SMIM36: variants seen among roughly 807,000 people sequenced by gnomAD.
SMIM36 encodes small integral membrane protein 36.
At chr17:55,496,944 TTCC>T (rs908826721) in intron 1 of SMIM36, among the ~76,000 whole-genome samples, 1 of 152,190 alleles carries the variant, frequency 6.6e-6, no homozygotes, top group Non-Finnish European at 1.5e-5. Flanking sequence ...AAAATAACGG[TTCC>T]TCCTCTTACA....
At chr17:55,453,469 A>G (rs1479256272) in intron 4 of SMIM36, among the ~76,000 whole-genome samples, 1 of 152,238 alleles carries the variant, frequency 6.6e-6, no homozygotes, top group Non-Finnish European at 1.5e-5. Context: ...GCACTGATCC[A>G]AATAAAATAT....
At chr17:55,516,618 GCA>G in the SMIM36 span, among the ~76,000 whole-genome samples, 1 of 144,770 alleles carries the variant, frequency 6.9e-6, no homozygotes, top group Non-Finnish European at 1.5e-5. Flanking sequence ...GAGTGCAATG[GCA>G]CAGTCTTGGC....
At chr17:55,521,849 C>T in the SMIM36 span, among the ~76,000 whole-genome samples, 4 of 145,084 alleles carry the variant, frequency 2.8e-5, no homozygotes, top group Admixed American at 6.9e-5. Context: ...CCATCTTCAC[C>T]GCTTTGACTT....
intron 1 of SMIM36, among the ~76,000 whole-genome samples, chr17:55,479,859 G>A (rs529549523): frequency 2.0e-5 from 3 of 152,274 alleles, no homozygotes; most frequent in South Asian, 4.1e-4. Context: ...AACCCCTGTC[G>A]CTGCTGTTGC....
chr17:55,460,755 G>A (rs1387912944), intron 4 of SMIM36, among the ~76,000 whole-genome samples: 1 of 152,146 alleles, frequency 6.6e-6, no homozygotes, highest in Admixed American at 6.5e-5. Flanking sequence ...CTACTCGGGA[G>A]GCTGAGGCAG....
At chr17:55,457,367 C>T (rs1478565246) in intron 4 of SMIM36, among the ~76,000 whole-genome samples, 3 of 145,990 alleles carry the variant, frequency 2.1e-5, no homozygotes, top group Non-Finnish European at 4.5e-5. Context: ...AGGATAATTG[C>T]TTGAACCCAG....
intron 1 of SMIM36, among the ~76,000 whole-genome samples, chr17:55,503,759 A>G (rs907383966): frequency 4.7e-5 from 6 of 128,616 alleles, no homozygotes; most frequent in African/African-American, 2.0e-4. Context: ...TAAATGCTCC[A>G]ATTAAAAGAC....
At chr17:55,465,160 GCAATATTA>G (rs1909215255) in intron 4 of SMIM36, among the ~76,000 whole-genome samples, 1 of 152,158 alleles carries the variant, frequency 6.6e-6, no homozygotes. Flanking sequence ...CATTGAATGA[GCAATATTA>G]AAATTGGAGA....
At chr17:55,516,455 A>G in the SMIM36 span, among the ~76,000 whole-genome samples, 2 of 152,198 alleles carry the variant, frequency 1.3e-5, no homozygotes, top group East Asian at 3.8e-4. Flanking sequence ...TTTTAGAACT[A>G]CAAAATATTG....
chr17:55,525,740 C>T, the SMIM36 span, among the ~76,000 whole-genome samples: 1 of 152,002 alleles, frequency 6.6e-6, no homozygotes, highest in African/African-American at 2.4e-5. Context: ...TCACTGCAAC[C>T]TCTGCCTCCT....
intron 4 of SMIM36, among the ~76,000 whole-genome samples, chr17:55,463,834 G>A (rs1170079649): frequency 6.6e-6 from 1 of 152,002 alleles, no homozygotes; most frequent in Non-Finnish European, 1.5e-5. Context: ...TATAAGAAAA[G>A]AGGATGTTGA....
intron 3 of SMIM36, among the ~76,000 whole-genome samples, chr17:55,472,093 G>A (rs890886560): frequency 3.3e-5 from 5 of 152,122 alleles, no homozygotes; most frequent in Admixed American, 1.3e-4. Context: ...AGCACCCAAC[G>A]CAACTGAACC....
upstream of SMIM36, among the ~76,000 whole-genome samples, chr17:55,514,424 T>C (rs1220078662): frequency 6.6e-6 from 1 of 152,174 alleles, no homozygotes; most frequent in East Asian, 1.9e-4. Flanking sequence ...AATGTGATAC[T>C]GAAAGCACAC....
chr17:55,456,913 A>C (rs1909035147), intron 4 of SMIM36, among the ~76,000 whole-genome samples: 1 of 152,218 alleles, frequency 6.6e-6, no homozygotes, highest in African/African-American at 2.4e-5. Context: ...AAAATAGGCC[A>C]TGCCCTTTAG....
chr17:55,519,213 A>G, the SMIM36 span, among the ~76,000 whole-genome samples: 1 of 152,170 alleles, frequency 6.6e-6, no homozygotes, highest in Non-Finnish European at 1.5e-5. Context: ...TAGTAGTTCA[A>G]AGTAGGCAGA....
upstream of SMIM36, chr17:55,511,574 C>CAG: frequency 6.7e-6 from 2 of 300,090 alleles, no homozygotes; most frequent in Non-Finnish European, 1.2e-5. Context: ...TTCGCCTACA[C>CAG]AGAGAGAGAA....
intron 4 of SMIM36, among the ~76,000 whole-genome samples, chr17:55,464,923 C>T (rs75186750): frequency 1.3e-5 from 2 of 152,132 alleles, no homozygotes; most frequent in Non-Finnish European, 2.9e-5. Context: ...ATTTGCAAAC[C>T]ATAGGCAATT....
At chr17:55,508,443 T>C (rs1213248530) in intron 1 of SMIM36, among the ~76,000 whole-genome samples, 1 of 53,496 alleles carries the variant, frequency 1.9e-5, no homozygotes, top group Non-Finnish European at 4.9e-5. Flanking sequence ...TATATATATA[T>C]ATATATATAT....
intron 3 of SMIM36, among the ~76,000 whole-genome samples, chr17:55,469,365 GCT>G (rs1035892320): frequency 6.6e-6 from 1 of 152,082 alleles, no homozygotes; most frequent in Non-Finnish European, 1.5e-5. Context: ...CAGCATTTAG[GCT>G]CTTTTTCATC....
Sources: allele counts gnomAD v4.1 joint callset (sites outside exome capture counted in the v4.1 genomes callset), GRCh38; gene constraint gnomAD v4.1.1; transcripts MANE v1.5; gene names NCBI Gene and HGNC (gene_info 2026-07-23, HGNC 2026-07-21).